Variants in ZC3H12B observed in about 807,000 individuals in gnomAD.
ZC3H12B encodes probable ribonuclease ZC3H12B.
Under a neutral mutation model 43.9 loss-of-function variants are expected in ZC3H12B, and 7 were observed. The ratio of observed to expected loss-of-function variants is 0.16; its 90% CI spans 0.09 to 0.30. The LOEUF (loss-of-function observed/expected upper bound fraction) is 0.30. Ranked by LOEUF, ZC3H12B falls within the 10% of genes least tolerant of loss-of-function variation. The pLI is 1.00. For missense variants in ZC3H12B, 475 were observed against 670.2 expected, an observed-to-expected ratio of 0.71 and a Z score of 3.22; for synonymous variants, 222 against 241.7, an observed-to-expected ratio of 0.92 and a Z score of 0.76.
chrX:65,346,291 G>A, the ZC3H12B span, among the ~76,000 whole-genome samples: 3 of 108,513 alleles, frequency 2.8e-5, no homozygotes, highest in Non-Finnish European at 3.8e-5. Flanking sequence ...ATAGAATAAT[G>A]GAACAGAATA....
the ZC3H12B span, among the ~76,000 whole-genome samples, chrX:65,326,952 C>A: frequency 2.7e-5 from 3 of 110,922 alleles, no homozygotes; most frequent in African/African-American, 9.8e-5. Context: ...CTTACAATGG[C>A]TATTATCAAA....
At chrX:65,362,927 A>G (rs2066123764), upstream of ZC3H12B, among the ~76,000 whole-genome samples, 1 of 110,359 alleles carries the variant, frequency 9.1e-6, no homozygotes, top group Non-Finnish European at 1.9e-5. Flanking sequence ...ACATCCCTTC[A>G]CAACCCCTCC....
intron 3 of ZC3H12B, among the ~76,000 whole-genome samples, chrX:65,438,423 G>T (rs1012964548): frequency 1.8e-5 from 2 of 111,165 alleles, no homozygotes; most frequent in African/African-American, 6.6e-5. Context: ...TCACTAAAAA[G>T]GTCCTTCATT....
At chrX:65,414,185 G>T (rs1362363028) in intron 3 of ZC3H12B, among the ~76,000 whole-genome samples, 6 of 111,425 alleles carry the variant, frequency 5.4e-5, no homozygotes, top group African/African-American at 1.6e-4. Flanking sequence ...CTTTTCTTAT[G>T]ATGTTGTCAG....
chrX:65,241,710 C>T, the ZC3H12B span, among the ~76,000 whole-genome samples: 1 of 112,408 alleles, frequency 8.9e-6, no homozygotes, highest in Non-Finnish European at 1.9e-5. Context: ...GAATGGCAGC[C>T]GCCCTTCTCA....
chrX:65,120,842 A>T, the ZC3H12B span, among the ~76,000 whole-genome samples: 1 of 111,606 alleles, frequency 9.0e-6, no homozygotes, highest in Non-Finnish European at 1.9e-5. Context: ...AAATTTATCG[A>T]GAGTTTTTTA....
the ZC3H12B span, among the ~76,000 whole-genome samples, chrX:65,314,213 G>GC: frequency 9.0e-6 from 1 of 110,652 alleles, no homozygotes; most frequent in Non-Finnish European, 1.9e-5. Context: ...TGAGTTCCTG[G>GC]CAGAGAGAAG....
chrX:65,130,394 G>A, the ZC3H12B span, among the ~76,000 whole-genome samples: 1 of 111,094 alleles, frequency 9.0e-6, no homozygotes, highest in African/African-American at 3.3e-5. Flanking sequence ...CTGTGGGAAA[G>A]GCCTCTACCC....
chrX:65,142,220 A>G, the ZC3H12B span, among the ~76,000 whole-genome samples: 1 of 112,328 alleles, frequency 8.9e-6, no homozygotes, highest in African/African-American at 3.2e-5. Flanking sequence ...GTGGTATCAC[A>G]TGCTGGTTTT....
the ZC3H12B span, among the ~76,000 whole-genome samples, chrX:65,260,080 G>A: frequency 9.0e-6 from 1 of 111,162 alleles, no homozygotes; most frequent in Non-Finnish European, 1.9e-5. Flanking sequence ...GGAAAGGGTA[G>A]GAAGTGGCGA....
the ZC3H12B span, among the ~76,000 whole-genome samples, chrX:65,135,741 GTTTGT>G: frequency 1.2e-5 from 1 of 80,862 alleles, no homozygotes; most frequent in Non-Finnish European, 2.4e-5. Flanking sequence ...TGCTCTATTT[GTTTGT>G]TTTCTTTTTT....
At chrX:65,266,541 A>T in the ZC3H12B span, among the ~76,000 whole-genome samples, 1 of 111,863 alleles carries the variant, frequency 8.9e-6, no homozygotes, top group African/African-American at 3.2e-5. Context: ...ACTTAAAACA[A>T]CCAAAAAGAG....
In ZC3H12B at chrX:65,500,040, T is replaced by A. The variant is rs1382636895; in HGVS notation, c.1090+51T>A. The A allele has an allele frequency of 4.2e-6, 4 of 943,585 alleles. No homozygotes were observed. In the African/African-American group the frequency reaches 7.7e-5, roughly 18 times the overall value. The allele number at this position is 943,585 out of a possible 1,213,427, so 77.8% of individuals were successfully genotyped here. On this transcript the variant is annotated intron_variant, in intron 4 of 4. Coordinates refer to ENST00000338957, the Ensembl canonical transcript of ZC3H12B. ...TTCTGTACCACCGGAAACATAAGGATTCTGTGAACACTTTTCTCTTCCAGG... is the reference window on the plus strand; with the variant it reads ...TTCTGTACCACCGGAAACATAAGGAATCTGTGAACACTTTTCTCTTCCAGG...
chrX:65,324,796 T>C, the ZC3H12B span, among the ~76,000 whole-genome samples: 4 of 110,874 alleles, frequency 3.6e-5, no homozygotes, highest in South Asian at 1.5e-3. Context: ...CTATTCTCTG[T>C]ATGTCTTTTG....
chrX:65,187,465 T>G, the ZC3H12B span, among the ~76,000 whole-genome samples: 1 of 111,393 alleles, frequency 9.0e-6, no homozygotes, highest in Non-Finnish European at 1.9e-5. Flanking sequence ...GGTAAGAGAC[T>G]CTACCATGAT....
At chrX:65,044,286 G>A in the ZC3H12B span, among the ~76,000 whole-genome samples, 1 of 111,372 alleles carries the variant, frequency 9.0e-6, no homozygotes, top group Non-Finnish European at 1.9e-5. Context: ...AATATGCAAT[G>A]GCCCTGAGGT....
chrX:65,282,634 AG>A, the ZC3H12B span, among the ~76,000 whole-genome samples: 1 of 111,625 alleles, frequency 9.0e-6, no homozygotes, highest in East Asian at 2.8e-4. Context: ...ACAATGATAA[AG>A]GGGATATCAC....
At chrX:65,098,646 C>T in the ZC3H12B span, among the ~76,000 whole-genome samples, 1 of 110,299 alleles carries the variant, frequency 9.1e-6, no homozygotes, top group African/African-American at 3.3e-5. Context: ...TGCAAGGGGC[C>T]AGGGACCTCC....
At chrX:65,138,234 C>T in the ZC3H12B span, among the ~76,000 whole-genome samples, 2 of 111,924 alleles carry the variant, frequency 1.8e-5, no homozygotes, top group Admixed American at 9.4e-5. Flanking sequence ...CATCTCTTCA[C>T]TCCCTTTCCC....
Sources: allele counts gnomAD v4.1 joint callset (sites outside exome capture counted in the v4.1 genomes callset), GRCh38; gene constraint gnomAD v4.1.1; transcripts MANE v1.5; gene names NCBI Gene and HGNC (gene_info 2026-07-23, HGNC 2026-07-21).